The following HR variants were observed in gnomAD, a reference collection of about 807,000 sequenced individuals.
HR encodes lysine-specific demethylase hairless.
HR carries 83 observed loss-of-function variants against 128.6 expected under a neutral mutation model. That is an observed-to-expected ratio of 0.65 (90% CI 0.54 to 0.77). The LOEUF (loss-of-function observed/expected upper bound fraction) is 0.77. Ranked by LOEUF, HR falls within the 30% of genes least tolerant of loss-of-function variation. HR has a pLI of 0.00. For missense variants in HR, 1,490 were observed against 1,574.6 expected (o/e 0.95, Z 0.91); for synonymous variants, 681 against 658.2 (o/e 1.03, Z -0.53).
rs755993112 is a variant in HR, at chr8:22,120,689, CGGGAG to C, written c.2610+22_2610+26del. 68 of 1,501,146 alleles carry C rather than the reference CGGGAG, an allele frequency of 4.5e-5. No individual in the cohort carries two copies. In the Admixed American group the frequency reaches 9.2e-4, roughly 20 times the overall value. The allele number at this position is 1,501,146 out of a possible 1,614,324, so 93.0% of individuals were successfully genotyped here. ...GAGGGGCAGGTGGGGTGGCCAGGGCCGGGAGGGGAGGGGAGGGGTGCCTCACCTGG... is the reference window on the plus strand; with the variant it reads ...GAGGGGCAGGTGGGGTGGCCAGGGCCGGGAGGGGAGGGGTGCCTCACCTGG... On this transcript the variant is annotated intron_variant, in intron 11 of 18. Coordinates refer to ENST00000381418, the MANE Select transcript of HR (RefSeq NM_005144.5).
chr8:22,115,640 G>A lies in HR; in HGVS notation c.*60C>T. 1.4e-6 allele frequency: 2 copies of A among 1,468,366 alleles called. No individual in the cohort carries two copies. Among genetic ancestry groups the A allele is most frequent in the Non-Finnish European group, 1.9e-6 (2 of 1,048,022 alleles). The allele number at this position is 1,468,366 out of a possible 1,614,324, so 91.0% of individuals were successfully genotyped here. A position where few individuals can be genotyped will look rare whatever the true frequency, so the allele number is the denominator to read the frequency against. On this transcript the variant is annotated 3_prime_UTR_variant, in exon 19 of 19. Transcript: ENST00000381418. ...TAGCGCCATCCCCTGCTGAAGTTGTGCCTGGGCTGAGCACCTGGTCTACCT... is the reference window on the plus strand; with the variant it reads ...TAGCGCCATCCCCTGCTGAAGTTGTACCTGGGCTGAGCACCTGGTCTACCT...
At chr8:22,122,677 C>G (rs1295799811) in intron 7 of HR, 69 bp from the exon 8 acceptor site, 30 of 1,497,896 alleles carry the variant, frequency 2.0e-5, no homozygotes, top group Non-Finnish European at 2.6e-5. Flanking sequence ...TCCCGGGCAG[C>G]TTGGCCTTGC....
At chr8:22,123,134 C>G (rs1826797988) in intron 6 of HR, among the ~76,000 whole-genome samples, 1 of 152,128 alleles carries the variant, frequency 6.6e-6, no homozygotes, top group Non-Finnish European at 1.5e-5. Flanking sequence ...CGTGTCTGAC[C>G]CTGGAGCTCT....
In HR at chr8:22,125,732, C is replaced by A. The variant is rs767555274; in HGVS notation, c.1406G>T (p.Gly469Val). The A allele has an allele frequency of 3.7e-6, 6 of 1,613,616 alleles. No homozygotes were observed. In the South Asian group the frequency reaches 5.5e-5, roughly 15 times the overall value. ...VDSGQHDEQKGPQDGQASLQD... is the reference protein window; with the variant it reads ...VDSGQHDEQKVPQDGQASLQD... ...GAGACTGGCCTGGCCATCTTGGGGTCCTGAGGGGACAATGCAGAGGTCAGG... is the reference window on the plus strand; with the variant it reads ...GAGACTGGCCTGGCCATCTTGGGGTACTGAGGGGACAATGCAGAGGTCAGG... Residue 469 changes from glycine (G) to valine (V), a missense_variant and splice_region_variant, in exon 4 of 19, where the codon GGA (glycine) becomes GTA (valine). Transcript: ENST00000381418.
chr8:22,119,068 G>A lies in HR; in HGVS notation c.3098-3C>T, dbSNP rs751316944. The A allele has an allele frequency of 3.7e-6, 6 of 1,613,480 alleles. No homozygotes were observed. Among genetic ancestry groups the A allele is most frequent in the Non-Finnish European group, 5.1e-6 (6 of 1,179,884 alleles). On this transcript the variant is annotated splice_polypyrimidine_tract_variant and splice_region_variant and intron_variant, in intron 15 of 18. Transcript: ENST00000381418. Reference sequence around the variant, plus strand: ...CCCGTCCAGGCCTGAAAGGAAGTCTGAGGAGGAAAGAGCGCTCAGGCAGGC... The same window carrying A: ...CCCGTCCAGGCCTGAAAGGAAGTCTAAGGAGGAAAGAGCGCTCAGGCAGGC...
intron 11 of HR, 97 bp downstream of exon 11, chr8:22,120,619 C>T (rs1178163759): frequency 1.7e-5 from 27 of 1,574,316 alleles, no homozygotes; most frequent in Admixed American, 3.5e-5. Context: ...CCCTCCTGCT[C>T]CCCCTGAGCC....
chr8:22,116,512 A>G lies in HR; in HGVS notation c.3379-84T>C. On this transcript the variant is annotated intron_variant, in intron 17 of 18. Coordinates refer to ENST00000381418, the MANE Select transcript of HR (RefSeq NM_005144.5). This position sits in a 1 kb window ranked among gnomAD's most constrained non-coding sequence, Gnocchi z 4.2. The stretch of plus-strand genomic sequence containing the variant: ...CTGGTCCCTGAGGTTCGCTTCCTCT[A>G]ATGACAACCACCCCCGACCCCTGGC... The G allele has an allele frequency of 6.5e-7, 1 of 1,536,954 alleles. No homozygotes were observed.
At chr8:22,121,315 T>C in intron 9 of HR, 87 bp from the exon 10 acceptor site, 3 of 1,520,214 alleles carry the variant, frequency 2.0e-6, no homozygotes, top group South Asian at 1.2e-5. Context: ...CTCTTCCCTC[T>C]CTTCCTGGCT....
At position 22,121,016 on chromosome 8, in the gene HR, C is replaced by T. The variant is rs780368795; in HGVS notation, c.2367+49G>A. ...CTGGGCCCCACAGGGAGGGCAGGCC[C>T]AGCCTCTGGTCCCCTGGCTCCTAGC... On this transcript the variant is annotated intron_variant, in intron 10 of 18. Transcript: ENST00000381418. 4.2e-5 allele frequency: 67 copies of T among 1,612,844 alleles called. No homozygotes were observed. In the East Asian group the frequency reaches 1.4e-3, roughly 35 times the overall value.
intron 6 of HR, 32 bp downstream of exon 6, chr8:22,123,617 T>TGCCCCCCCCCCCCCCC: frequency 6.8e-6 from 2 of 292,092 alleles, no homozygotes; most frequent in South Asian, 6.1e-5. Flanking sequence ...GAGGGCTCCA[T>TGCCCCCCCCCCCCCCC]CCCGCCCTCC....
rs372128408 is a variant in HR, at chr8:22,120,461, C to A, written c.2657G>T (p.Trp886Leu). 6.2e-7 allele frequency: 1 copy of A among 1,613,950 alleles called. No homozygotes were observed. Among genetic ancestry groups the A allele is most frequent in the Non-Finnish European group, 8.5e-7 (1 of 1,180,040 alleles). Residue 886 changes from tryptophan to leucine, a missense_variant, in exon 12 of 19, where the codon TGG becomes TTG. Transcript: ENST00000381418. ...GIQRTLQGNL[W>L]GTEALGALGG... ...AAGTGCCCCAAGAGCTTCTGTCCCC[C>A]ACAGGTTGCCCTGCAATGTCCTTTG...
In HR at chr8:22,128,541, C is replaced by A; in HGVS notation, c.612+18G>T. The A allele has an allele frequency of 6.2e-7, 1 of 1,611,550 alleles. No homozygotes were observed. Among genetic ancestry groups the A allele is most frequent in the South Asian group, 1.1e-5 (1 of 90,504 alleles). ...GCTAGGCCAGAGCCACAGGTACCCT[C>A]TCTGCCCCTGCACTCACCTTGCTGC... is the stretch of plus-strand genomic sequence containing the variant. On this transcript the variant is annotated intron_variant, in intron 2 of 18. Coordinates refer to ENST00000381418, the MANE Select transcript of HR (RefSeq NM_005144.5).
chr8:22,121,013 G>A lies in HR; in HGVS notation c.2367+52C>T. On this transcript the variant is annotated intron_variant, in intron 10 of 18. Coordinates refer to ENST00000381418, the MANE Select transcript of HR (RefSeq NM_005144.5). ...CCACTGGGCCCCACAGGGAGGGCAG[G>A]CCCAGCCTCTGGTCCCCTGGCTCCT... 4 of 1,612,670 alleles carry A rather than the reference G, an allele frequency of 2.5e-6. No individual in the cohort carries two copies. In the Middle Eastern group the frequency reaches 6.6e-4, roughly 266 times the overall value.
Position 22,117,034 on chromosome 8 carries a change from G to A in HR, c.3219C>T (p.Cys1073=). 4 of 1,501,188 alleles carry A rather than the reference G, an allele frequency of 2.7e-6. No homozygotes were observed. Among genetic ancestry groups the A allele is most frequent in the South Asian group, 1.3e-5 (1 of 76,946 alleles). The allele number at this position is 1,501,188 out of a possible 1,614,324, so 93.0% of individuals were successfully genotyped here. The change falls in exon 17 of 19, where the codon TGC becomes TGT. Residue 1073 remains cysteine (C), a synonymous_variant. Transcript: ENST00000381418. The stretch of plus-strand genomic sequence containing the variant: ...GCTCCAGGGCGCCTGCCCCGGCCGG[G>A]CACACCTCAAAGAAGAGAAGGGGGA... ...QRIRRFLQMV[C]PAGAGALEPG...
chr8:22,122,504 C>A lies in HR; in HGVS notation c.2110G>T (p.Ala704Ser). Residue 704 changes from alanine to serine, a missense_variant, in exon 8 of 19, where the codon GCA (alanine) becomes TCA (serine). By Grantham distance (99) the Ala-to-Ser change is moderately conservative (BLOSUM62 1). Around this residue, in one of 3 missense-constraint regions of HR, gnomAD observed 1,060 missense variants for 1,060.9 expected, o/e 1.00. Coordinates refer to ENST00000381418, the MANE Select transcript of HR (RefSeq NM_005144.5). ...GCCCTGGGTCTTACCTGCTGGCCTGCATCCCCGGGGGCCCATACCCGGGCA... is the reference window on the plus strand; with the variant it reads ...GCCCTGGGTCTTACCTGCTGGCCTGAATCCCCGGGGGCCCATACCCGGGCA... ...ADARVWAPGD[A>S]GQQKESTQKT... 5 of 1,607,296 alleles carry A rather than the reference C, an allele frequency of 3.1e-6. No homozygotes were observed. The East Asian group carries it at 9.0e-5, about 29-fold the overall frequency.
At chr8:22,120,019 TG>T in intron 13 of HR, 84 bp downstream of exon 13, 3 of 1,568,044 alleles carry the variant, frequency 1.9e-6, no homozygotes, top group Non-Finnish European at 2.6e-6. Context: ...GGGTGGGGGT[TG>T]GGGGCAGAGG....
At position 22,127,047 on chromosome 8, in the gene HR, A is replaced by G. The variant is rs777568900; in HGVS notation, c.1395T>C (p.Asp465=). 12 of 1,611,748 alleles carry G rather than the reference A, an allele frequency of 7.4e-6. No homozygotes were observed. The highest frequency in any genetic ancestry group is 1.0e-5 in the Non-Finnish European group (12 of 1,179,600). Residue 465 remains aspartate (D), a synonymous_variant, in exon 3 of 19, where the codon GAT becomes GAC. Coordinates refer to ENST00000381418, the MANE Select transcript of HR (RefSeq NM_005144.5). The part of the protein sequence containing the change: ...GNKDVDSGQH[D]EQKGPQDGQA... The stretch of plus-strand genomic sequence containing the variant: ...TCCTGGCCCCCTTACCTTTCTGCTC[A>G]TCATGCTGTCCCGAGTCCACATCCT...
intron 16 of HR, chr8:22,118,614 A>G: frequency 2.6e-6 from 1 of 378,782 alleles, no homozygotes; most frequent in East Asian, 5.6e-5. Context: ...ATGGGAAAGG[A>G]GCAGTGCCTG....
chr8:22,125,191 C>T lies in HR; in HGVS notation c.1750+120G>A, dbSNP rs181298846. 9.0e-6 allele frequency: 9 copies of T among 1,002,594 alleles called. No homozygotes were observed. In the East Asian group the frequency reaches 1.6e-4, roughly 18 times the overall value. The allele number at this position is 1,002,594 out of a possible 1,614,324, so 62.1% of individuals were successfully genotyped here. On this transcript the variant is annotated intron_variant, in intron 5 of 18. Coordinates refer to ENST00000381418, the MANE Select transcript of HR (RefSeq NM_005144.5). ...CACCTTCCTGATGTCCCCACCCAGG[C>T]CAGGGGCTCTTCTGAGGTTGCCTTA...
Sources: gnomAD v4.1 joint callset for allele counts (sites outside exome capture counted in the v4.1 genomes callset) on GRCh38, gnomAD v4.1.1 for gene constraint, gnomAD v4.1.1 regional missense constraint, Gnocchi (gnomAD v3.1) non-coding constraint, MANE v1.5 for transcripts, NCBI Gene and HGNC (gene_info 2026-07-23, HGNC 2026-07-21) for gene names.